The following CFAP99 variants were observed in gnomAD, a reference collection of about 807,000 sequenced individuals.
CFAP99 encodes cilia and flagella associated protein 99, also known as cilia- and flagella-associated protein 99.
CFAP99 carries 84 observed loss-of-function variants against 82.7 expected under a neutral mutation model. That is an observed-to-expected ratio of 1.02 (90% CI 0.85 to 1.22). CFAP99 has a LOEUF of 1.22. Among genes scored for constraint, CFAP99 ranks in the 50% most tolerant of loss-of-function variants. The pLI is 0.00. For synonymous variants in CFAP99, 456 were observed against 429.5 expected, an observed-to-expected ratio of 1.06 and a Z score of -0.76; for missense variants, 1,059 against 983.5, an observed-to-expected ratio of 1.08 and a Z score of -1.03.
intron 2 of CFAP99, 52 bp from the exon 3 acceptor site, chr4:2,436,822 G>A (rs908839214): frequency 4.4e-5 from 51 of 1,166,252 alleles, no homozygotes; most frequent in Non-Finnish European, 5.6e-5. Context: ...CCCCACCGCC[G>A]CCCTTTCCTC....
chr4:2,425,158 C>T (rs1380538293), intron 1 of CFAP99, among the ~76,000 whole-genome samples: 2 of 152,300 alleles, frequency 1.3e-5, no homozygotes, highest in Middle Eastern at 3.4e-3. Context: ...GTTCCTTGGA[C>T]GCTGTATCTC....
At chr4:2,442,590 C>T (rs1041629769) in intron 4 of CFAP99, among the ~76,000 whole-genome samples, 2 of 152,156 alleles carry the variant, frequency 1.3e-5, no homozygotes, top group African/African-American at 4.8e-5. Flanking sequence ...TCCCTGCCCC[C>T]AAGACCACCA....
At chr4:2,424,595 C>G (rs1733647790) in intron 1 of CFAP99, among the ~76,000 whole-genome samples, 1 of 152,206 alleles carries the variant, frequency 6.6e-6, no homozygotes, top group African/African-American at 2.4e-5. Flanking sequence ...GCAGCTAAAC[C>G]CACTCACAGA....
chr4:2,459,387 A>C, intron 13 of CFAP99, 129 bp downstream of exon 13: 2 of 1,110,116 alleles, frequency 1.8e-6, no homozygotes, highest in Non-Finnish European at 2.5e-6. Context: ...CTGGCCCGCC[A>C]CCCTCCGTGA....
intron 2 of CFAP99, among the ~76,000 whole-genome samples, chr4:2,434,715 G>T (rs548965632): frequency 6.6e-6 from 1 of 152,196 alleles, no homozygotes; most frequent in African/African-American, 2.4e-5. Context: ...AAGAAAAGGC[G>T]CATCCCCCAA....
At chr4:2,422,223 C>T (rs1733599192) in intron 1 of CFAP99, among the ~76,000 whole-genome samples, 1 of 152,220 alleles carries the variant, frequency 6.6e-6, no homozygotes, top group African/African-American at 2.4e-5. Context: ...CTTTTCCTTA[C>T]ATTCACCTTC....
At chr4:2,436,214 G>A (rs1484354984) in intron 2 of CFAP99, among the ~76,000 whole-genome samples, 1 of 151,820 alleles carries the variant, frequency 6.6e-6, no homozygotes, top group Non-Finnish European at 1.5e-5. Flanking sequence ...CCACTCCATT[G>A]CCCCACCTCG....
intron 1 of CFAP99, among the ~76,000 whole-genome samples, chr4:2,421,902 AC>A (rs1733593370): frequency 6.6e-6 from 1 of 151,238 alleles, no homozygotes; most frequent in South Asian, 2.1e-4. Flanking sequence ...AAAATTAAGC[AC>A]AAAATTAGTC....
chr4:2,459,135 G>C (rs1331790140), exon 13 of CFAP99: 14 of 1,532,148 alleles, frequency 9.1e-6, no homozygotes, highest in Non-Finnish European at 1.1e-5. Flanking sequence ...AGAGCAGGGG[G>C]CTGCTGCAGC....
intron 11 of CFAP99, among the ~76,000 whole-genome samples, chr4:2,452,762 T>A (rs1014619110): frequency 7.2e-5 from 11 of 152,128 alleles, no homozygotes; most frequent in African/African-American, 2.4e-4. Flanking sequence ...TTTACTTTTT[T>A]AAAAAAATAT....
chr4:2,431,475 T>C (rs1651221441), intron 2 of CFAP99, among the ~76,000 whole-genome samples: 1 of 152,154 alleles, frequency 6.6e-6, no homozygotes, highest in Non-Finnish European at 1.5e-5. Context: ...GTGAGATATG[T>C]TACAAACCAC....
At chr4:2,459,330 C>T (rs1734521019) in intron 13 of CFAP99, 72 bp downstream of exon 13, 2 of 1,449,974 alleles carry the variant, frequency 1.4e-6, no homozygotes, top group Admixed American at 5.0e-5. Flanking sequence ...GAGGCAGTTT[C>T]CAGGGTTCCC....
rs1194382308 is a variant in CFAP99, at chr4:2,447,978, TGGC to T, written c.643-1691_643-1689del. Among the ~76,000 whole-genome samples, 11 of 147,864 alleles carry T rather than the reference TGGC, an allele frequency of 7.4e-5. No individual in the cohort carries two copies. The East Asian group carries it at 8.1e-4, about 11-fold the overall frequency. Reference sequence around the variant, plus strand: ...ATGGATGGATGGATGGATGGATGGATGGCTTCATGGAAGGATAAGTAGATGGAT... The same window carrying T: ...ATGGATGGATGGATGGATGGATGGATTTCATGGAAGGATAAGTAGATGGAT... On this transcript the variant is annotated intron_variant, in intron 6 of 14. Transcript: ENST00000635017.
intron 3 of CFAP99, among the ~76,000 whole-genome samples, chr4:2,437,764 C>T (rs766920194): frequency 6.6e-5 from 10 of 152,310 alleles, no homozygotes; most frequent in East Asian, 5.8e-4. Context: ...CTTGAGGTGA[C>T]GATTCAGCTG....
intron 13 of CFAP99, among the ~76,000 whole-genome samples, chr4:2,459,821 G>A (rs966119808): frequency 1.3e-5 from 2 of 152,234 alleles, no homozygotes; most frequent in Non-Finnish European, 2.9e-5. Context: ...CACAGTGGAG[G>A]GGCCTCAGTC....
chr4:2,433,079 G>A (rs114138021), intron 2 of CFAP99, among the ~76,000 whole-genome samples: 6,636 of 151,172 alleles, frequency 0.044, 499 homozygotes, highest in African/African-American at 0.15. Context: ...CCGTGGGCCC[G>A]GCCCAGCCTG....
At chr4:2,439,591 G>A (rs576797429) in intron 4 of CFAP99, among the ~76,000 whole-genome samples, 1 of 152,318 alleles carries the variant, frequency 6.6e-6, no homozygotes, top group South Asian at 2.1e-4. Flanking sequence ...AGCCAGCACT[G>A]TACACATCAA....
chr4:2,442,518 G>A (rs1012753424), intron 4 of CFAP99, among the ~76,000 whole-genome samples: 4 of 152,044 alleles, frequency 2.6e-5, no homozygotes, highest in African/African-American at 7.2e-5. Context: ...CACAGAAGCC[G>A]CCATCCTGCC....
chr4:2,461,845 A>C (rs1734627566), intron 14 of CFAP99, among the ~76,000 whole-genome samples: 1 of 152,122 alleles, frequency 6.6e-6, no homozygotes, highest in South Asian at 2.1e-4. Context: ...GTACCTGTGG[A>C]GATGCAGGCC....
Sources: gnomAD v4.1 joint callset for allele counts (sites outside exome capture counted in the v4.1 genomes callset) on GRCh38, gnomAD v4.1.1 for gene constraint, MANE v1.5 for transcripts, NCBI Gene and HGNC (gene_info 2026-07-23, HGNC 2026-07-21) for gene names.